Variants in EXD3 observed in about 807,000 individuals in gnomAD.
EXD3 encodes exonuclease mut-7 homolog.
EXD3 carries 92 observed loss-of-function variants against 98.0 expected under a neutral mutation model. The observed-to-expected ratio is 0.94, with a 90% CI of 0.79 to 1.12. The LOEUF (loss-of-function observed/expected upper bound fraction) is 1.12. Ranked by LOEUF, EXD3 falls within the 50% of genes most tolerant of loss-of-function variation. The pLI is 0.00. For synonymous variants in EXD3, 569 were observed against 526.0 expected (o/e 1.08, Z -1.12); for missense variants, 1,222 against 1,191.6 (o/e 1.03, Z -0.38).
Position 137,405,490 on chromosome 9 carries a change from C to T in EXD3, c.-47-10086G>A, listed in dbSNP as rs1837672642. ...CCGTCGCAGGCCACTCACCCGTCCC[C>T]AGCCACTCACCCGTCCCCAGCATCC... On this transcript the variant is annotated intron_variant, in intron 1 of 21. Transcript: ENST00000340951. This position sits in a 1 kb window ranked among gnomAD's most constrained non-coding sequence, Gnocchi z 4.1. Among the ~76,000 whole-genome samples, 1 of 152,164 alleles carries T rather than the reference C, an allele frequency of 6.6e-6. No homozygotes were observed. The highest frequency in any genetic ancestry group is 6.5e-5 in the Admixed American group (1 of 15,284).
At chr9:137,358,874 C>CG (rs1293572574) in intron 7 of EXD3, among the ~76,000 whole-genome samples, 1 of 151,116 alleles carries the variant, frequency 6.6e-6, no homozygotes, top group Non-Finnish European at 1.5e-5. Flanking sequence ...TTTGTAGAGA[C>CG]GGGGTTTTGT....
intron 4 of EXD3, 123 bp downstream of exon 4, chr9:137,373,303 C>T: frequency 7.9e-7 from 1 of 1,265,788 alleles, no homozygotes; most frequent in East Asian, 2.5e-5. Flanking sequence ...CCCCCAGCAT[C>T]CCCCTCCCCT....
intron 17 of EXD3, among the ~76,000 whole-genome samples, chr9:137,335,840 CAT>C (rs144035687): frequency 0.012 from 1,788 of 152,206 alleles, 39 homozygotes; most frequent in African/African-American, 0.041. Context: ...CACCTGCGCA[CAT>C]GTTTATCACA....
chr9:137,422,423 T>C (rs1838575653), intron 1 of EXD3, among the ~76,000 whole-genome samples: 1 of 152,156 alleles, frequency 6.6e-6, no homozygotes, highest in Admixed American at 6.5e-5. Flanking sequence ...AACTATCCAC[T>C]GATGACACCA....
intron 17 of EXD3, among the ~76,000 whole-genome samples, chr9:137,327,852 A>G (rs1832533446): frequency 7.0e-6 from 1 of 143,436 alleles, no homozygotes; most frequent in Non-Finnish European, 1.5e-5. Flanking sequence ...AAAACAACGA[A>G]TATACTCCCA....
At chr9:137,323,880 T>C in intron 18 of EXD3, 24 bp from the exon 19 acceptor site, 1 of 1,592,690 alleles carries the variant, frequency 6.3e-7, no homozygotes, top group Non-Finnish European at 8.5e-7. Context: ...GCTCGGCTAC[T>C]GAGGGGCAGT....
At chr9:137,391,100 C>T (rs1564201846) in intron 2 of EXD3, among the ~76,000 whole-genome samples, 1 of 152,064 alleles carries the variant, frequency 6.6e-6, no homozygotes, top group Non-Finnish European at 1.5e-5. Context: ...CCTTACCCCC[C>T]TCCCAGCAGG....
At position 137,352,665 on chromosome 9, in the gene EXD3, G is replaced by C; in HGVS notation, c.992C>G (p.Pro331Arg). The C allele has an allele frequency of 6.4e-7, 1 of 1,550,760 alleles. No homozygotes were observed. Among genetic ancestry groups the C allele is most frequent in the Non-Finnish European group, 8.7e-7 (1 of 1,147,714 alleles). The change falls in exon 11 of 22, where the codon CCG (proline) becomes CGG (arginine). Residue 331 changes from proline to arginine, a missense_variant. Coordinates refer to ENST00000340951, the MANE Select transcript of EXD3 (RefSeq NM_017820.5). Reference sequence around the variant, plus strand: ...GCGGAGTTCCACAGCCACCGCAGCCGGCAGCCGCTCCTCGGGCAGCAAGAG... The same window carrying C: ...GCGGAGTTCCACAGCCACCGCAGCCCGCAGCCGCTCCTCGGGCAGCAAGAG... ...MELLLPEERL[P>R]AAVAVELRRF...
Position 137,407,721 on chromosome 9 carries a change from C to T in EXD3, c.-47-12317G>A, listed in dbSNP as rs1385466175. ...GCGGCTCCTGGCCTGGTTCTGAAGA[C>T]GGCCCAGCTGGAGTGGGAGAAGTGC... On this transcript the variant is annotated intron_variant, in intron 1 of 21. Transcript: ENST00000340951. This position sits in a 1 kb window ranked among gnomAD's most constrained non-coding sequence, Gnocchi z 4.4. Among the ~76,000 whole-genome samples the T allele has an allele frequency of 1.3e-5, 2 of 152,214 alleles. No individual in the cohort carries two copies. The highest frequency in any genetic ancestry group is 2.9e-5 in the Non-Finnish European group (2 of 68,034).
In EXD3 at chr9:137,385,399, A is replaced by T; in HGVS notation, c.56-2022T>A. Among the ~76,000 whole-genome samples, 1 of 138,820 alleles carries T rather than the reference A, an allele frequency of 7.2e-6. No individual in the cohort carries two copies. The allele number at this position is 138,820 out of a possible 152,430, so 91.1% of individuals were successfully genotyped here. A position where few individuals can be genotyped will look rare whatever the true frequency, so the allele number is the denominator to read the frequency against. On this transcript the variant is annotated intron_variant, in intron 2 of 21. Transcript: ENST00000340951. The surrounding 1 kb of genome is among the most constrained non-coding windows in gnomAD (Gnocchi z 4.4). ...TGCTGCATGCTGGGCATGGCTGGCGATGGGGCCAGGGTGGGCTGGGCGGGG... is the reference window on the plus strand; with the variant it reads ...TGCTGCATGCTGGGCATGGCTGGCGTTGGGGCCAGGGTGGGCTGGGCGGGG...
intron 1 of EXD3, among the ~76,000 whole-genome samples, chr9:137,399,026 G>A (rs925663361): frequency 6.6e-6 from 1 of 151,994 alleles, no homozygotes; most frequent in Non-Finnish European, 1.5e-5. Context: ...CGTGCACACC[G>A]ACATCCCCGT....
chr9:137,407,624 C>T lies in EXD3; in HGVS notation c.-47-12220G>A, dbSNP rs1168277986. On this transcript the variant is annotated intron_variant, in intron 1 of 21. Transcript: ENST00000340951. The surrounding 1 kb of genome is among the most constrained non-coding windows in gnomAD (Gnocchi z 4.4). The stretch of plus-strand genomic sequence containing the variant: ...CTGACAGGGAAGGATGGAGACGCAG[C>T]TCCAGACCCCAGAGTGCGGCCCCCC... Among the ~76,000 whole-genome samples the T allele has an allele frequency of 1.3e-5, 2 of 152,216 alleles. No homozygotes were observed. The highest frequency in any genetic ancestry group is 2.9e-5 in the Non-Finnish European group (2 of 68,036).
At chr9:137,354,544 C>T (rs1025553741) in intron 9 of EXD3, 156 bp downstream of exon 9, 1 of 1,535,450 alleles carries the variant, frequency 6.5e-7, no homozygotes, top group African/African-American at 1.4e-5. Flanking sequence ...GCCTCCCCTT[C>T]ACCCAGGCCT....
chr9:137,355,693 G>GGGAGGAT (rs1834722103), intron 8 of EXD3, among the ~76,000 whole-genome samples: 1 of 40,480 alleles, frequency 2.5e-5, no homozygotes, highest in African/African-American at 5.8e-5. Context: ...GAAGGAGAAA[G>GGGAGGAT]GGAGGAAGGA....
intron 1 of EXD3, among the ~76,000 whole-genome samples, chr9:137,411,945 T>C (rs1222309605): frequency 6.6e-6 from 1 of 152,142 alleles, no homozygotes; most frequent in African/African-American, 2.4e-5. Context: ...CAGGTGGGCC[T>C]TGTGCCGCCA....
intron 2 of EXD3, among the ~76,000 whole-genome samples, chr9:137,389,278 C>T (rs1464133758): frequency 3.3e-5 from 5 of 152,178 alleles, no homozygotes; most frequent in South Asian, 4.1e-4. Context: ...CGCAGAGGAC[C>T]GCCCGTGTCT....
In EXD3 at chr9:137,395,219, G is replaced by C. The variant is rs1277316319; in HGVS notation, c.55+84C>G. 6.4e-5 allele frequency: 81 copies of C among 1,273,226 alleles called. No individual in the cohort carries two copies. The highest frequency in any genetic ancestry group is 8.0e-5 in the Non-Finnish European group (70 of 873,476). The allele number at this position is 1,273,226 out of a possible 1,614,324, so 78.9% of individuals were successfully genotyped here. A position where few individuals can be genotyped will look rare whatever the true frequency, so the allele number is the denominator to read the frequency against. ...CCTGGCCCTCGTCACTGAGTACACA[G>C]TGGGCGCCACCACCCCCCATGCACA... On this transcript the variant is annotated intron_variant, in intron 2 of 21. Coordinates refer to ENST00000340951, the MANE Select transcript of EXD3 (RefSeq NM_017820.5). The surrounding 1 kb of genome is among the most constrained non-coding windows in gnomAD (Gnocchi z 6.5).
At chr9:137,416,919 G>A (rs1838257365) in intron 1 of EXD3, among the ~76,000 whole-genome samples, 1 of 152,206 alleles carries the variant, frequency 6.6e-6, no homozygotes, top group Admixed American at 6.5e-5. Flanking sequence ...GCGGCCGTCA[G>A]GAGGCCAGGA....
intron 5 of EXD3, 125 bp from the exon 6 acceptor site, chr9:137,368,114 C>G: frequency 2.6e-6 from 2 of 765,504 alleles, no homozygotes; most frequent in East Asian, 5.5e-5. Context: ...AGGGCCTTCC[C>G]GTGTTCAGCC....
Sources: gnomAD v4.1 joint callset for allele counts (sites outside exome capture counted in the v4.1 genomes callset) on GRCh38, gnomAD v4.1.1 for gene constraint, Gnocchi (gnomAD v3.1) non-coding constraint, MANE v1.5 for transcripts, NCBI Gene and HGNC (gene_info 2026-07-23, HGNC 2026-07-21) for gene names.